The following ADAMTSL1 variants were observed in gnomAD, a reference collection of about 807,000 sequenced individuals.
The protein encoded by ADAMTSL1 is ADAMTS like 1.
Under a neutral mutation model 201.8 loss-of-function variants are expected in ADAMTSL1, and 126 were observed. That is an observed-to-expected ratio of 0.62 (90% confidence interval 0.54 to 0.72). The LOEUF (loss-of-function observed/expected upper bound fraction) is 0.72, where lower values mean the gene tolerates loss of function less well. Among genes scored for constraint, ADAMTSL1 ranks in the 30% least tolerant of loss-of-function variants. ADAMTSL1 has a pLI of 0.00. For synonymous variants in ADAMTSL1, 1,121 were observed against 903.4 expected (o/e 1.24, Z -4.32); for missense variants, 2,679 against 2,277.8 (o/e 1.18, Z -3.59).
chr9:18,186,094 G>A lies in ADAMTSL1; in HGVS notation c.207+22113G>A, dbSNP rs192996570. Among the ~76,000 whole-genome samples the A allele has an allele frequency of 4.3e-4, 65 of 152,234 alleles. 1 individual carries two copies. The highest frequency in any genetic ancestry group is 1.4e-3 in the Admixed American group (22 of 15,286). ...CTTGAGCTGAGAATTCAAGTACCAC[G>A]TATTTCTGTGCAGCCTGGACAACCT... On this transcript the variant is annotated intron_variant, in intron 2 of 29. Transcript: ENST00000680146.
At chr9:18,825,132 A>G (rs1007730418) in intron 21 of ADAMTSL1, among the ~76,000 whole-genome samples, 6 of 152,110 alleles carry the variant, frequency 3.9e-5, no homozygotes, top group African/African-American at 1.2e-4. Context: ...TCCGTGCCAC[A>G]TATCTTCAGT....
intron 2 of ADAMTSL1, among the ~76,000 whole-genome samples, chr9:18,280,856 G>C (rs1477441878): frequency 6.9e-6 from 1 of 145,396 alleles, no homozygotes; most frequent in Non-Finnish European, 1.5e-5. Flanking sequence ...CATAGTTACT[G>C]CTTTAGCTGC....
intron 1 of ADAMTSL1, among the ~76,000 whole-genome samples, chr9:17,946,080 G>A (rs2383055): frequency 1.9e-5 from 2 of 105,148 alleles, no homozygotes; most frequent in Non-Finnish European, 2.5e-5. Flanking sequence ...GTGTGTGTGT[G>A]TGTGTGTGTG....
chr9:18,665,000 A>G (rs1244826268), intron 9 of ADAMTSL1, among the ~76,000 whole-genome samples: 1 of 152,126 alleles, frequency 6.6e-6, no homozygotes, highest in African/African-American at 2.4e-5. Flanking sequence ...ACTAAGTTAA[A>G]TTATAAAAAT....
chr9:18,017,914 A>G (rs138413629), intron 1 of ADAMTSL1, among the ~76,000 whole-genome samples: 73 of 152,176 alleles, frequency 4.8e-4, no homozygotes, highest in Middle Eastern at 3.4e-3. Flanking sequence ...ATCAATGCAC[A>G]TGTAATGTCA....
intron 2 of ADAMTSL1, among the ~76,000 whole-genome samples, chr9:18,268,490 G>A (rs1219057586): frequency 1.3e-5 from 2 of 152,188 alleles, no homozygotes; most frequent in Non-Finnish European, 2.9e-5. Context: ...TTTAGGAGAA[G>A]AAGGAGCAGG....
Position 18,890,561 on chromosome 9 carries a change from A to G in ADAMTSL1, c.4643+813A>G, listed in dbSNP as rs768166129. 38 of 455,978 alleles carry G rather than the reference A, an allele frequency of 8.3e-5. No individual in the cohort carries two copies. In the East Asian group the frequency reaches 2.6e-3, roughly 32 times the overall value. The allele number at this position is 455,978 out of a possible 1,614,324, so 28.2% of individuals were successfully genotyped here. A position where few individuals can be genotyped will look rare whatever the true frequency, so the allele number is the denominator to read the frequency against. ...TGCTTTCTGTTTTGCCAGCTGAGTC[A>G]TAAGGAGCAGCTGAAACCAGGAGAG... is the stretch of plus-strand genomic sequence containing the variant. On this transcript the variant is annotated intron_variant, in intron 25 of 28. Transcript: ENST00000380548.
intron 2 of ADAMTSL1, among the ~76,000 whole-genome samples, chr9:18,362,667 T>A (rs1459461762): frequency 1.3e-5 from 2 of 152,152 alleles, no homozygotes; most frequent in African/African-American, 4.8e-5. Context: ...TAGGTCTGGG[T>A]AGCAAGGTAA....
chr9:18,028,736 C>T (rs1408868701), intron 1 of ADAMTSL1, among the ~76,000 whole-genome samples: 1 of 152,070 alleles, frequency 6.6e-6, no homozygotes. Flanking sequence ...ATTGACTTGG[C>T]AATGCGGGCT....
intron 2 of ADAMTSL1, among the ~76,000 whole-genome samples, chr9:18,426,984 C>T (rs770941693): frequency 2.0e-5 from 3 of 152,156 alleles, no homozygotes; most frequent in Non-Finnish European, 2.9e-5. Context: ...ACATTTTTAT[C>T]ATTTTCTGTA....
At chr9:18,133,824 TA>T (rs915554552) in intron 1 of ADAMTSL1, among the ~76,000 whole-genome samples, 1 of 152,076 alleles carries the variant, frequency 6.6e-6, no homozygotes. Flanking sequence ...TAAAATATTT[TA>T]AAAAAACTAT....
intron 1 of ADAMTSL1, among the ~76,000 whole-genome samples, chr9:18,136,030 G>T (rs1244988839): frequency 6.6e-6 from 1 of 152,112 alleles, no homozygotes; most frequent in Admixed American, 6.5e-5. Context: ...GATGTACACA[G>T]CCAGGATTCA....
chr9:18,391,258 C>T (rs976576506), intron 2 of ADAMTSL1, among the ~76,000 whole-genome samples: 1 of 152,048 alleles, frequency 6.6e-6, no homozygotes, highest in Non-Finnish European at 1.5e-5. Context: ...CTTTCTTGGC[C>T]TTTTCAAGTT....
At chr9:18,021,408 C>A (rs953313880) in intron 1 of ADAMTSL1, among the ~76,000 whole-genome samples, 3 of 152,044 alleles carry the variant, frequency 2.0e-5, no homozygotes, top group Non-Finnish European at 4.4e-5. Context: ...CCTCTGTGGA[C>A]CCTCCTGTAA....
At chr9:17,998,590 G>A (rs539580327) in intron 1 of ADAMTSL1, among the ~76,000 whole-genome samples, 1 of 152,168 alleles carries the variant, frequency 6.6e-6, no homozygotes, top group South Asian at 2.1e-4. Flanking sequence ...TTAGTTATAT[G>A]TATTTTTTCT....
chr9:18,041,971 G>T (rs1461385538), intron 1 of ADAMTSL1, among the ~76,000 whole-genome samples: 1 of 151,694 alleles, frequency 6.6e-6, no homozygotes. Context: ...TTTAAAATTG[G>T]TTACTTTAAA....
chr9:18,621,270 CA>C (rs1385875258), intron 4 of ADAMTSL1, among the ~76,000 whole-genome samples: 1 of 152,104 alleles, frequency 6.6e-6, no homozygotes, highest in Non-Finnish European at 1.5e-5. Context: ...AGGAAAGACA[CA>C]AATGGCATTG....
Position 18,777,237 on chromosome 9 carries a change from C to T in ADAMTSL1, c.3008C>T (p.Ser1003Phe), listed in dbSNP as rs755886007. ...QTHKHQNGIF[S>F]NGSKAEKRGL... ...CACAAACACCAGAACGGGATCTTCTCCAACGGCAGCAAGGCGGAGAAGCGG... is the reference window on the plus strand; with the variant it reads ...CACAAACACCAGAACGGGATCTTCTTCAACGGCAGCAAGGCGGAGAAGCGG... The change falls in exon 19 of 29, where the codon TCC becomes TTC. Residue 1003 changes from serine (S) to phenylalanine (F), a missense_variant. By Grantham distance (155) the Ser-to-Phe change is radical (BLOSUM62 -2). Coordinates refer to ENST00000380548, the MANE Select transcript of ADAMTSL1 (RefSeq NM_001040272.6). 3.7e-5 allele frequency: 60 copies of T among 1,612,550 alleles called. No homozygotes were observed. In the South Asian group the frequency reaches 6.0e-4, roughly 16 times the overall value.
At chr9:18,090,532 A>G (rs1388744948) in intron 1 of ADAMTSL1, among the ~76,000 whole-genome samples, 4 of 152,212 alleles carry the variant, frequency 2.6e-5, no homozygotes, top group African/African-American at 9.6e-5. Context: ...TATATGAGGT[A>G]CCCAGAGTAG....
Sources: allele counts gnomAD v4.1 joint callset (sites outside exome capture counted in the v4.1 genomes callset), GRCh38; gene constraint gnomAD v4.1.1; transcripts MANE v1.5; gene names NCBI Gene and HGNC (gene_info 2026-07-23, HGNC 2026-07-21).